DRP2: variants seen among roughly 807,000 people sequenced by gnomAD.
DRP2 encodes the protein dystrophin-related protein 2.
Under a neutral mutation model 78.2 loss-of-function variants are expected in DRP2, and 29 were observed. That is an observed-to-expected ratio of 0.37 (90% CI 0.28 to 0.51). The LOEUF (loss-of-function observed/expected upper bound fraction) is 0.51. Ranked by LOEUF, DRP2 falls within the 20% of genes least tolerant of loss-of-function variation. The probability of loss-of-function intolerance (pLI) is 0.94; values close to 1 mark genes in which losing one functional copy is unlikely to be tolerated. For missense variants in DRP2, 686 were observed against 770.6 expected (o/e 0.89, Z 1.30); for synonymous variants, 290 against 281.9 (o/e 1.03, Z -0.29).
chrX:101,256,260 C>A lies in DRP2; in HGVS notation c.2389C>A (p.Arg797=). The A allele has an allele frequency of 1.7e-6, 2 of 1,178,668 alleles. No individual in the cohort carries two copies. Among genetic ancestry groups the A allele is most frequent in the Non-Finnish European group, 2.3e-6 (2 of 881,097 alleles). Residue 797 remains arginine (R), a splice_region_variant and synonymous_variant, in exon 21 of 24, where the codon CGG becomes AGG. Transcript: ENST00000395209. ...KILAHLEDEN[R]ILQGELRRLK... ...CCTGGCCCACTTGGAAGATGAGAAC[C>A]GGTGGGTGTGATGATAGCAGAAATC...
chrX:101,244,663 G>A (rs1172893071), intron 9 of DRP2, among the ~76,000 whole-genome samples: 6 of 112,357 alleles, frequency 5.3e-5, no homozygotes, highest in East Asian at 2.8e-4. Context: ...CTTCATATCC[G>A]CAAGAGTAAT....
intron 6 of DRP2, among the ~76,000 whole-genome samples, chrX:101,239,430 G>GTACT (rs773467426): frequency 8.9e-6 from 1 of 111,979 alleles, no homozygotes; most frequent in South Asian, 3.7e-4. Flanking sequence ...ATGAATAAAA[G>GTACT]TACCAGTATG....
chrX:101,247,504 T>A (rs1446941808), intron 12 of DRP2, among the ~76,000 whole-genome samples: 2 of 111,939 alleles, frequency 1.8e-5, no homozygotes, highest in African/African-American at 6.5e-5. Flanking sequence ...GCAGCAAAAC[T>A]GTTGAAGCAA....
At chrX:101,258,701 G>A (rs910206087) in intron 22 of DRP2, among the ~76,000 whole-genome samples, 155 bp downstream of exon 22, 3 of 110,041 alleles carry the variant, frequency 2.7e-5, no homozygotes, top group South Asian at 4.0e-4. Flanking sequence ...CGGTTGGTGG[G>A]GGGGCGGGGG....
chrX:101,233,317 T>C lies in DRP2; in HGVS notation c.117+1553T>C, dbSNP rs775120674. Among the ~76,000 whole-genome samples the C allele has an allele frequency of 5.4e-5, 6 of 111,461 alleles. No individual in the cohort carries two copies. In the South Asian group the frequency reaches 1.2e-3, roughly 21 times the overall value. The stretch of plus-strand genomic sequence containing the variant: ...GGTCACAAGGGGCTTTTTCTAACTC[T>C]GGACATTCCCAGTGCAGAGGACCCA... On this transcript the variant is annotated intron_variant, in intron 3 of 23. Transcript: ENST00000395209.
rs1188200160 is a variant in DRP2, at chrX:101,241,946, C to T, written c.828+10C>T. On this transcript the variant is annotated intron_variant, in intron 7 of 23. Coordinates refer to ENST00000395209, the MANE Select transcript of DRP2 (RefSeq NM_001939.3). ...CATCCAGGCTATTAAGGTATGCAAGCCCCCTCCCCTGACTACAGTCTACCC... is the reference window on the plus strand; with the variant it reads ...CATCCAGGCTATTAAGGTATGCAAGTCCCCTCCCCTGACTACAGTCTACCC... 1 of 1,162,356 alleles carries T rather than the reference C, an allele frequency of 8.6e-7. No individual in the cohort carries two copies. Among genetic ancestry groups the T allele is most frequent in the Non-Finnish European group, 1.2e-6 (1 of 868,918 alleles).
rs749183842 is a variant in DRP2 at position 101,240,825 on chromosome X, CA to C, written c.560-842del. Among the ~76,000 whole-genome samples, 376 of 112,294 alleles carry C rather than the reference CA, an allele frequency of 3.3e-3. 1 individual carries two copies. The highest frequency in any genetic ancestry group is 5.5e-3 in the Non-Finnish European group (293 of 53,242). On this transcript the variant is annotated intron_variant, in intron 6 of 23. Transcript: ENST00000395209. ...ACTTAATTTGATGCCCGATGGGCCTCAGATAGGACAAGCTCTAGAAAGAGCA... is the reference window on the plus strand; with the variant it reads ...ACTTAATTTGATGCCCGATGGGCCTCGATAGGACAAGCTCTAGAAAGAGCA...
intron 3 of DRP2, among the ~76,000 whole-genome samples, chrX:101,232,126 A>G (rs1922329078): frequency 9.1e-6 from 1 of 110,479 alleles, no homozygotes; most frequent in Admixed American, 9.6e-5. Flanking sequence ...TCTCTGTGGC[A>G]TGCCTTCCAT....
intron 2 of DRP2, among the ~76,000 whole-genome samples, chrX:101,229,191 T>TA (rs939522577): frequency 1.8e-5 from 2 of 112,036 alleles, no homozygotes; most frequent in African/African-American, 6.5e-5. Flanking sequence ...TCAGCAAAAA[T>TA]AAAAATGTTA....
At chrX:101,257,449 A>AAAG (rs1556421668) in intron 21 of DRP2, among the ~76,000 whole-genome samples, 1 of 107,992 alleles carries the variant, frequency 9.3e-6, no homozygotes, top group Non-Finnish European at 1.9e-5. Flanking sequence ...AAAAAAAAAA[A>AAAG]AGAGAGAGTA....
intron 4 of DRP2, 152 bp downstream of exon 4, chrX:101,236,175 G>C (rs2147336218): frequency 3.4e-6 from 2 of 581,030 alleles, no homozygotes; most frequent in East Asian, 7.2e-5. Context: ...AAACAGCCTT[G>C]CTTTAGAAGT....
chrX:101,252,611 G>A lies in DRP2; in HGVS notation c.1872G>A (p.Arg624=), dbSNP rs1475167569. ...ACATCTCCTCTCCCCCAAGGTACCG[G>A]AGTCTGAAGCAATTCAACGTTGACA... ...RQCPIKGFRY[R]SLKQFNVDIC... is the part of the protein sequence containing the mutation. The change falls in exon 17 of 24, where the codon CGG becomes CGA. Residue 624 remains arginine (R), a synonymous_variant. Coordinates refer to ENST00000395209, the MANE Select transcript of DRP2 (RefSeq NM_001939.3). 1.7e-6 allele frequency: 2 copies of A among 1,209,209 alleles called. No homozygotes were observed. Among genetic ancestry groups the A allele is most frequent in the Non-Finnish European group, 2.2e-6 (2 of 894,498 alleles).
intron 8 of DRP2, 103 bp from the exon 9 acceptor site, chrX:101,242,801 A>T (rs1186088498): frequency 1.2e-6 from 1 of 808,466 alleles, no homozygotes; most frequent in African/African-American, 2.0e-5. Context: ...ACCAGAGAAA[A>T]GCCAGTCCCT....
chrX:101,258,936 G>A (rs749311658), intron 22 of DRP2, among the ~76,000 whole-genome samples: 3 of 112,217 alleles, frequency 2.7e-5, no homozygotes, highest in African/African-American at 9.7e-5. Flanking sequence ...AAAGAAGTGG[G>A]TTGGGACAAG....
intron 6 of DRP2, among the ~76,000 whole-genome samples, chrX:101,240,081 T>C (rs1352960590): frequency 8.9e-6 from 1 of 111,936 alleles, no homozygotes; most frequent in African/African-American, 3.2e-5. Flanking sequence ...CAAACTAAAA[T>C]AATCATAATT....
chrX:101,258,684 G>C (rs1225325452), intron 22 of DRP2, 138 bp downstream of exon 22: 1 of 532,351 alleles, frequency 1.9e-6, no homozygotes, highest in Non-Finnish European at 3.0e-6. Context: ...GAAGAGAACT[G>C]GGCCTGCGGT....
intron 9 of DRP2, 141 bp downstream of exon 9, chrX:101,243,123 G>A: frequency 4.0e-6 from 2 of 501,653 alleles, no homozygotes. Flanking sequence ...GTGTGGTATA[G>A]TGGTTAAAAG....
At chrX:101,258,164 C>T in intron 21 of DRP2, 145 bp from the exon 22 acceptor site, 4 of 454,914 alleles carry the variant, frequency 8.8e-6, no homozygotes. Flanking sequence ...AGCAAGAGCA[C>T]AGCTGGGGGT....
chrX:101,225,690 G>GGAGC (rs1922094344), intron 2 of DRP2, among the ~76,000 whole-genome samples: 1 of 111,148 alleles, frequency 9.0e-6, no homozygotes, highest in Non-Finnish European at 1.9e-5. Flanking sequence ...ATTTTGGTGG[G>GGAGC]GAGCGGAGAG....
Sources: allele counts gnomAD v4.1 joint callset (sites outside exome capture counted in the v4.1 genomes callset), GRCh38; gene constraint gnomAD v4.1.1; transcripts MANE v1.5; gene names NCBI Gene and HGNC (gene_info 2026-07-23, HGNC 2026-07-21).